OSBPL2: variants seen among roughly 807,000 people sequenced by gnomAD.
The protein encoded by OSBPL2 is oxysterol-binding protein-related protein 2.
Under a neutral mutation model 58.4 loss-of-function variants are expected in OSBPL2, and 18 were observed. That is an observed-to-expected ratio of 0.31 (90% confidence interval 0.21 to 0.46). The LOEUF (loss-of-function observed/expected upper bound fraction) is 0.46. Among genes scored for constraint, OSBPL2 ranks in the 20% least tolerant of loss-of-function variants. The probability of loss-of-function intolerance (pLI) is 1.00; values close to 1 mark genes in which losing one functional copy is unlikely to be tolerated. For missense variants in OSBPL2, 461 were observed against 616.5 expected (o/e 0.75, Z 2.67); for synonymous variants, 221 against 234.1 (o/e 0.94, Z 0.51).
rs780879987 is a variant in OSBPL2, at chr20:62,293,767, C to G, written c.1341-18C>G. 12 of 1,611,278 alleles carry G rather than the reference C, an allele frequency of 7.4e-6. No individual in the cohort carries two copies. The East Asian group carries it at 1.1e-4, about 15-fold the overall frequency. ...TTGGGCTGAGCATCTTCTGACCCCC[C>G]TCCCTTGTATCCGGCAGGTGGTTCT... is the stretch of plus-strand genomic sequence containing the variant. On this transcript the variant is annotated intron_variant, in intron 13 of 13. Transcript: ENST00000313733.
chr20:62,256,803 C>T (rs115128629), intron 2 of OSBPL2, among the ~76,000 whole-genome samples: 1 of 152,308 alleles, frequency 6.6e-6, no homozygotes, highest in African/African-American at 2.4e-5. Context: ...AAAGGGCAGG[C>T]GGGGCTGGCA....
intron 6 of OSBPL2, among the ~76,000 whole-genome samples, chr20:62,277,237 T>A (rs1982439058): frequency 6.6e-6 from 1 of 151,970 alleles, no homozygotes; most frequent in Non-Finnish European, 1.5e-5. Context: ...GCGACAGAGA[T>A]TTTGAGATTC....
At chr20:62,243,792 CATT>C (rs1165874388) in intron 1 of OSBPL2, among the ~76,000 whole-genome samples, 4 of 151,506 alleles carry the variant, frequency 2.6e-5, no homozygotes, top group East Asian at 1.9e-4. Context: ...TAATGTGGGT[CATT>C]ATTCTGGGGA....
chr20:62,293,377 T>G (rs1398945073), intron 13 of OSBPL2, among the ~76,000 whole-genome samples: 1 of 152,190 alleles, frequency 6.6e-6, no homozygotes, highest in African/African-American at 2.4e-5. Context: ...TCTTTGCCTA[T>G]AATGTCTTCC....
At chr20:62,264,001 G>C (rs1389584299) in intron 4 of OSBPL2, among the ~76,000 whole-genome samples, 4 of 151,212 alleles carry the variant, frequency 2.6e-5, no homozygotes, top group Admixed American at 6.6e-5. Context: ...GGAGGCGGAG[G>C]TTGCAGTGAG....
intron 7 of OSBPL2, chr20:62,280,078 C>T (rs537778087): frequency 7.7e-7 from 1 of 1,304,312 alleles, no homozygotes; most frequent in Non-Finnish European, 1.0e-6. Context: ...ACCCGACAGA[C>T]ACAGACCGGA....
At chr20:62,248,536 C>T (rs1980305506) in intron 1 of OSBPL2, among the ~76,000 whole-genome samples, 1 of 152,130 alleles carries the variant, frequency 6.6e-6, no homozygotes, top group Admixed American at 6.5e-5. Context: ...CTCTCTGTGT[C>T]CAGCATGTCC....
At chr20:62,247,255 C>A (rs762922364) in intron 1 of OSBPL2, among the ~76,000 whole-genome samples, 2 of 152,244 alleles carry the variant, frequency 1.3e-5, no homozygotes, top group African/African-American at 2.4e-5. Context: ...GCAGGGATGG[C>A]TGAGCTTGCC....
At chr20:62,251,026 C>T (rs1190485883) in intron 1 of OSBPL2, among the ~76,000 whole-genome samples, 1 of 150,452 alleles carries the variant, frequency 6.6e-6, no homozygotes, top group African/African-American at 2.4e-5. Context: ...TCACATAGTG[C>T]AGAGCAATAG....
At chr20:62,249,063 G>A (rs6089340) in intron 1 of OSBPL2, among the ~76,000 whole-genome samples, 56,601 of 151,980 alleles carry the variant, frequency 0.37, 12,463 homozygotes, top group East Asian at 0.52. Context: ...ACCAGTGGTA[G>A]GACATTTTGA....
Position 62,293,909 on chromosome 20 carries a change from C to T in OSBPL2, c.*22C>T. 3 of 1,610,316 alleles carry T rather than the reference C, an allele frequency of 1.9e-6. No individual in the cohort carries two copies. Among genetic ancestry groups the T allele is most frequent in the Non-Finnish European group, 2.5e-6 (3 of 1,178,638 alleles). On this transcript the variant is annotated 3_prime_UTR_variant, in exon 14 of 14. Coordinates refer to ENST00000313733, the MANE Select transcript of OSBPL2 (RefSeq NM_144498.4). ...CTGAGGGCCTGGAGGGGCCTGGGGC[C>T]CGGGACCGGAGGCTGACGAGGCTGG...
chr20:62,278,171 TG>T (rs1428770047), intron 6 of OSBPL2: 15 of 176,716 alleles, frequency 8.5e-5, no homozygotes, highest in Admixed American at 7.1e-4. Flanking sequence ...AGATGTGCTC[TG>T]GAAGCCATGT....
chr20:62,292,881 C>CA, intron 13 of OSBPL2, among the ~76,000 whole-genome samples: 1 of 128,354 alleles, frequency 7.8e-6, no homozygotes, highest in African/African-American at 2.6e-5. Flanking sequence ...AACCTTTCCT[C>CA]ATTTTTTTTT....
intron 9 of OSBPL2, among the ~76,000 whole-genome samples, chr20:62,283,151 G>A (rs747233055): frequency 3.3e-5 from 5 of 152,174 alleles, no homozygotes; most frequent in African/African-American, 9.7e-5. Flanking sequence ...TTCCAGAACC[G>A]GGCAGGGACC....
At chr20:62,282,019 G>C in intron 9 of OSBPL2, 140 bp downstream of exon 9, 4 of 493,378 alleles carry the variant, frequency 8.1e-6, no homozygotes, top group Non-Finnish European at 7.5e-6. Context: ...TGGTCCAGAA[G>C]TATGACTCTT....
At chr20:62,274,897 A>G (rs572123850) in intron 6 of OSBPL2, among the ~76,000 whole-genome samples, 1 of 152,392 alleles carries the variant, frequency 6.6e-6, no homozygotes, top group Admixed American at 6.5e-5. Context: ...GAGTTGAGCC[A>G]AAACAATTAG....
rs552554815 is a variant in OSBPL2, at chr20:62,271,981, G to A, written c.259-144G>A. The A allele has an allele frequency of 3.4e-6, 3 of 873,418 alleles. 1 individual carries two copies. The South Asian group carries it at 4.9e-5, about 14-fold the overall frequency. The allele number at this position is 873,418 out of a possible 1,614,324, so 54.1% of individuals were successfully genotyped here. A position where few individuals can be genotyped will look rare whatever the true frequency, so the allele number is the denominator to read the frequency against. On this transcript the variant is annotated intron_variant, in intron 4 of 13. Transcript: ENST00000313733. ...CAGGGCAGGGCCGATGGGGCAGGGAGTGGCTCACCCATGGGGGGTTTGAAG... is the reference window on the plus strand; with the variant it reads ...CAGGGCAGGGCCGATGGGGCAGGGAATGGCTCACCCATGGGGGGTTTGAAG...
At chr20:62,289,667 G>A (rs915767939) in intron 12 of OSBPL2, among the ~76,000 whole-genome samples, 1 of 152,220 alleles carries the variant, frequency 6.6e-6, no homozygotes, top group African/African-American at 2.4e-5. Context: ...ACTTTGGGAG[G>A]CTGAGGCAGG....
chr20:62,250,020 C>T (rs1980416219), intron 1 of OSBPL2, among the ~76,000 whole-genome samples: 1 of 152,226 alleles, frequency 6.6e-6, no homozygotes, highest in Non-Finnish European at 1.5e-5. Flanking sequence ...TCCCTGCCCC[C>T]AAGGCTCACT....
Sources: allele counts gnomAD v4.1 joint callset (sites outside exome capture counted in the v4.1 genomes callset), GRCh38; gene constraint gnomAD v4.1.1; transcripts MANE v1.5; gene names NCBI Gene and HGNC (gene_info 2026-07-23, HGNC 2026-07-21).